Variants in SASH1 observed in about 807,000 individuals in gnomAD.
The protein encoded by SASH1 is SAM and SH3 domain-containing protein 1.
SASH1 carries 44 observed loss-of-function variants against 125.2 expected under a neutral mutation model. The ratio of observed to expected loss-of-function variants is 0.35; its 90% CI spans 0.28 to 0.45. The LOEUF (loss-of-function observed/expected upper bound fraction) is 0.45, where lower values mean the gene tolerates loss of function less well. SASH1 is among the 20% of genes least tolerant of loss of function. The pLI, the probability that SASH1 is intolerant of heterozygous loss-of-function variation, is 1.00. For missense variants in SASH1, 1,426 were observed against 1,614.5 expected (o/e 0.88, Z 2.00); for synonymous variants, 639 against 649.1 (o/e 0.98, Z 0.24).
Position 148,361,026 on chromosome 6 carries a change from A to G in SASH1, c.156+17803A>G, listed in dbSNP as rs558070784. On this transcript the variant is annotated intron_variant, in intron 1 of 19. Coordinates refer to ENST00000367467, the MANE Select transcript of SASH1 (RefSeq NM_015278.5). Reference sequence around the variant, plus strand: ...ACAGACACAGATGTGCACGGGGGGAAGATGAAGTAAAGACACCCACAGAGA... The same window carrying G: ...ACAGACACAGATGTGCACGGGGGGAGGATGAAGTAAAGACACCCACAGAGA... 1.8e-4 allele frequency among the ~76,000 whole-genome samples: 27 copies of G among 152,298 alleles called. No homozygotes were observed. The South Asian group carries it at 5.6e-3, about 32-fold the overall frequency.
At chr6:148,380,382 A>G (rs1783083710) in intron 1 of SASH1, among the ~76,000 whole-genome samples, 1 of 152,236 alleles carries the variant, frequency 6.6e-6, no homozygotes, top group Non-Finnish European at 1.5e-5. Context: ...GTCATATCAC[A>G]TTCAGATCTT....
intron 1 of SASH1, among the ~76,000 whole-genome samples, chr6:148,276,015 C>T (rs1249787791): frequency 6.6e-6 from 1 of 152,200 alleles, no homozygotes; most frequent in Non-Finnish European, 1.5e-5. Flanking sequence ...GCCACTGTGC[C>T]TAGCCTACTT....
At position 148,540,570 on chromosome 6, in the gene SASH1, G is replaced by A; in HGVS notation, c.2209+14G>A. The A allele has an allele frequency of 1.3e-6, 2 of 1,589,010 alleles. No homozygotes were observed. The highest frequency in any genetic ancestry group is 1.7e-6 in the Non-Finnish European group (2 of 1,158,488). Reference sequence around the variant, plus strand: ...ACCTGGAAAACGGTAATGTCAGCATGAGTCGCTGGGAACCTGCTTTGACAA... The same window carrying A: ...ACCTGGAAAACGGTAATGTCAGCATAAGTCGCTGGGAACCTGCTTTGACAA... On this transcript the variant is annotated intron_variant, in intron 17 of 19. Transcript: ENST00000367467.
intron 2 of SASH1, among the ~76,000 whole-genome samples, chr6:148,418,343 A>G (rs1466669926): frequency 6.6e-6 from 1 of 152,218 alleles, no homozygotes; most frequent in Non-Finnish European, 1.5e-5. Flanking sequence ...ATGGCAGTCT[A>G]CGTGATCCCT....
chr6:148,404,282 G>T (rs892427433), intron 2 of SASH1, among the ~76,000 whole-genome samples: 1 of 152,146 alleles, frequency 6.6e-6, no homozygotes, highest in Non-Finnish European at 1.5e-5. Context: ...CATAAAATAT[G>T]TTAACAAGTT....
chr6:148,303,413 T>A (rs1304242013), intron 1 of SASH1, among the ~76,000 whole-genome samples: 1 of 152,074 alleles, frequency 6.6e-6, no homozygotes, highest in African/African-American at 2.4e-5. Context: ...GATAAAGGAA[T>A]CAAAATCATA....
rs531688035 is a variant in SASH1, at chr6:148,391,491, C to T, written c.285+1229C>T. Among the ~76,000 whole-genome samples the T allele has an allele frequency of 2.0e-5, 3 of 150,482 alleles. 1 individual carries two copies. The South Asian group carries it at 6.3e-4, about 32-fold the overall frequency. ...CTATATATTTAAAAAAAACTTCTTC[C>T]TTTATTACTTAACATTTTATTGCAG... On this transcript the variant is annotated intron_variant, in intron 2 of 19. Transcript: ENST00000367467.
At chr6:148,361,573 C>G (rs576480210) in intron 1 of SASH1, among the ~76,000 whole-genome samples, 1 of 151,264 alleles carries the variant, frequency 6.6e-6, no homozygotes, top group African/African-American at 2.4e-5. Flanking sequence ...GCACTCCAGC[C>G]TGGGCAACAA....
intron 2 of SASH1, among the ~76,000 whole-genome samples, chr6:148,420,600 T>C (rs1026825982): frequency 6.6e-6 from 1 of 152,210 alleles, no homozygotes; most frequent in Non-Finnish European, 1.5e-5. Flanking sequence ...GACTTCAAGC[T>C]GTATGCTGAA....
At chr6:148,256,472 T>A in the SASH1 span, among the ~76,000 whole-genome samples, 2 of 152,224 alleles carry the variant, frequency 1.3e-5, no homozygotes, top group African/African-American at 4.8e-5. Flanking sequence ...TTAAATATCC[T>A]TAAATGGTAG....
intron 1 of SASH1, chr6:148,379,801 C>T (rs1783059665): frequency 2.5e-6 from 1 of 406,080 alleles, no homozygotes; most frequent in African/African-American, 2.1e-5. Flanking sequence ...CTTTTAAAAA[C>T]TCCTTACAGT....
At chr6:148,476,062 A>T (rs1778325353) in intron 7 of SASH1, among the ~76,000 whole-genome samples, 1 of 152,156 alleles carries the variant, frequency 6.6e-6, no homozygotes, top group African/African-American at 2.4e-5. Context: ...TTCCACTGAA[A>T]AACTATTAGA....
intron 16 of SASH1, among the ~76,000 whole-genome samples, chr6:148,535,635 G>T (rs1781797093): frequency 6.6e-6 from 1 of 152,172 alleles, no homozygotes; most frequent in African/African-American, 2.4e-5. Flanking sequence ...TCATCACTGA[G>T]CTCACAGCTT....
intron 1 of SASH1, among the ~76,000 whole-genome samples, chr6:148,292,047 G>GA (rs1779648941): frequency 1.3e-5 from 2 of 152,154 alleles, no homozygotes; most frequent in South Asian, 2.1e-4. Flanking sequence ...AGGAATTCAG[G>GA]AAAAAAACGC....
rs866044498 is a variant in SASH1 at position 148,527,992 on chromosome 6, G to T, written c.1428+396G>T. ...AAACCTAAAGCTTTTTTTTTTTGGG[G>T]GGGGGGGTGGCAGTAGACTTGTCGA... is the stretch of plus-strand genomic sequence containing the variant. On this transcript the variant is annotated intron_variant, in intron 12 of 19. Transcript: ENST00000367467. Among the ~76,000 whole-genome samples, 123 of 138,368 alleles carry T rather than the reference G, an allele frequency of 8.9e-4. 2 individuals are homozygous for T. The highest frequency in any genetic ancestry group is 5.8e-4 in the Non-Finnish European group (37 of 63,440). 90.8% of individuals were successfully genotyped at this position (138,368 alleles called of 152,430 possible). A position where few individuals can be genotyped will look rare whatever the true frequency, so the allele number is the denominator to read the frequency against.
the SASH1 span, among the ~76,000 whole-genome samples, chr6:148,203,788 C>A: frequency 6.6e-6 from 1 of 152,182 alleles, no homozygotes; most frequent in Non-Finnish European, 1.5e-5. Flanking sequence ...GGTTACTCAC[C>A]AGAAACCTAC....
chr6:148,506,761 G>C (rs112847833), intron 8 of SASH1, among the ~76,000 whole-genome samples: 115 of 152,226 alleles, frequency 7.6e-4, no homozygotes, highest in African/African-American at 2.7e-3. Flanking sequence ...ATCCTGTAAC[G>C]AAGGAATTTG....
At chr6:148,211,290 G>T in the SASH1 span, among the ~76,000 whole-genome samples, 1 of 152,198 alleles carries the variant, frequency 6.6e-6, no homozygotes, top group Non-Finnish European at 1.5e-5. Context: ...TCTAAAAGAG[G>T]CTGGGCACGG....
chr6:148,230,496 A>G, the SASH1 span, among the ~76,000 whole-genome samples: 2 of 152,060 alleles, frequency 1.3e-5, no homozygotes, highest in South Asian at 2.1e-4. Flanking sequence ...TTATGCCAAT[A>G]TATGTTTTAT....
Sources: allele counts gnomAD v4.1 joint callset (sites outside exome capture counted in the v4.1 genomes callset), GRCh38; gene constraint gnomAD v4.1.1; transcripts MANE v1.5; gene names NCBI Gene and HGNC (gene_info 2026-07-23, HGNC 2026-07-21).